TRMT44: variants seen among roughly 807,000 people sequenced by gnomAD.
The protein encoded by TRMT44 is tRNA methyltransferase 44 homolog.
Under a neutral mutation model 77.3 loss-of-function variants are expected in TRMT44, and 78 were observed. That is an observed-to-expected ratio of 1.01 (90% CI 0.84 to 1.22). The LOEUF (loss-of-function observed/expected upper bound fraction) is 1.22. TRMT44 is among the 50% of genes most tolerant of loss of function. The pLI, the probability that TRMT44 is intolerant of heterozygous loss-of-function variation, is 0.00. For synonymous variants in TRMT44, 391 were observed against 383.3 expected (o/e 1.02, Z -0.23); for missense variants, 1,090 against 964.4 (o/e 1.13, Z -1.73).
chr4:8,455,943 A>C (rs967912262), intron 6 of TRMT44, among the ~76,000 whole-genome samples: 10 of 152,244 alleles, frequency 6.6e-5, no homozygotes, highest in Admixed American at 2.6e-4. Context: ...AAAAATTCAG[A>C]AAAAGTTAGA....
At chr4:8,480,820 T>C (rs1727590980), downstream of TRMT44, among the ~76,000 whole-genome samples, 2 of 152,230 alleles carry the variant, frequency 1.3e-5, no homozygotes, top group Admixed American at 1.3e-4. Context: ...TAACCCTATA[T>C]ATTATGACTT....
chr4:8,466,290 C>T (rs1319245642), intron 8 of TRMT44, among the ~76,000 whole-genome samples: 3 of 152,248 alleles, frequency 2.0e-5, no homozygotes, highest in Non-Finnish European at 4.4e-5. Context: ...CTGAGTGAAG[C>T]CTCGGCTCTG....
the TRMT44 span, among the ~76,000 whole-genome samples, chr4:8,503,339 C>G: frequency 1.3e-5 from 2 of 152,228 alleles, no homozygotes; most frequent in Admixed American, 1.3e-4. Flanking sequence ...GCCGTGGCTG[C>G]AGCAGTCGGA....
chr4:8,448,840 C>T (rs1317457038), intron 2 of TRMT44, among the ~76,000 whole-genome samples: 1 of 152,256 alleles, frequency 6.6e-6, no homozygotes, highest in African/African-American at 2.4e-5. Context: ...TGCTGCCGCG[C>T]CCTCAGCACA....
chr4:8,472,328 G>A (rs1217614563), intron 10 of TRMT44, among the ~76,000 whole-genome samples: 1 of 152,204 alleles, frequency 6.6e-6, no homozygotes, highest in African/African-American at 2.4e-5. Context: ...AGGAGTAAGA[G>A]TGGGAGCTGG....
chr4:8,494,505 A>C (rs1445364506), downstream of TRMT44, among the ~76,000 whole-genome samples: 3 of 152,210 alleles, frequency 2.0e-5, no homozygotes, highest in African/African-American at 7.2e-5. Flanking sequence ...TCGAGGACTC[A>C]AAAGAACACA....
At chr4:8,480,081 CTGTTAGGGGTGGCGAATATTTGAGT>C (rs1727566096), downstream of TRMT44, among the ~76,000 whole-genome samples, 1 of 152,136 alleles carries the variant, frequency 6.6e-6, no homozygotes. Flanking sequence ...AGCGGTCCTC[CTGTTAGGGGTGGCGAATATTTGAGT>C]TGTCAGTGGT....
At chr4:8,486,280 G>A (rs1175263907) in intron 2 of TRMT44, among the ~76,000 whole-genome samples, 3 of 152,224 alleles carry the variant, frequency 2.0e-5, no homozygotes, top group African/African-American at 7.2e-5. Flanking sequence ...GGAACGCCTG[G>A]CCACTGCGGT....
At chr4:8,468,729 G>T (rs866348599) in intron 9 of TRMT44, among the ~76,000 whole-genome samples, 1 of 152,188 alleles carries the variant, frequency 6.6e-6, no homozygotes, top group African/African-American at 2.4e-5. Flanking sequence ...GTTGTGATTC[G>T]ATAATTTAAT....
At chr4:8,477,709 G>A (rs1247196395), downstream of TRMT44, 1 of 152,544 alleles carries the variant, frequency 6.6e-6, no homozygotes, top group Non-Finnish European at 1.5e-5. Context: ...AGGGCTTTCA[G>A]GTTTTGTTGC....
At position 8,476,254 on chromosome 4, in the gene TRMT44, C is replaced by T. The variant is rs1727378080; in HGVS notation, c.*253C>T. On this transcript the variant is annotated 3_prime_UTR_variant, in exon 11 of 11. Coordinates refer to ENST00000389737, the MANE Select transcript of TRMT44 (RefSeq NM_152544.3). ...CCGCTTGAAACGTGCGCAGCATCTT[C>T]ATATCATAAAGATTGTGCACGGATC... is the stretch of plus-strand genomic sequence containing the variant. 1 of 554,944 alleles carries T rather than the reference C, an allele frequency of 1.8e-6. No homozygotes were observed. Among genetic ancestry groups the T allele is most frequent in the South Asian group, 2.1e-5 (1 of 47,950 alleles). 34.4% of individuals were successfully genotyped at this position (554,944 alleles called of 1,614,324 possible). A position where few individuals can be genotyped will look rare whatever the true frequency, so the allele number is the denominator to read the frequency against.
At chr4:8,473,018 G>A (rs1727127359) in intron 10 of TRMT44, among the ~76,000 whole-genome samples, 5 of 152,246 alleles carry the variant, frequency 3.3e-5, no homozygotes, top group African/African-American at 1.2e-4. Flanking sequence ...AAACGCTTCT[G>A]AGTAGGAGGC....
rs1724915258 is a variant in TRMT44 at position 8,444,015 on chromosome 4, G to A, written c.620-2461G>A. ...TCTTAACTGTTAGTAGCAGGTGACA[G>A]GATGACATAGTGGTTAAGAACTTGA... On this transcript the variant is annotated intron_variant, in intron 1 of 10. Coordinates refer to ENST00000389737, the MANE Select transcript of TRMT44 (RefSeq NM_152544.3). The surrounding 1 kb of genome is among the most constrained non-coding windows in gnomAD (Gnocchi z 4.0). Among the ~76,000 whole-genome samples the A allele has an allele frequency of 1.3e-5, 2 of 148,566 alleles. No homozygotes were observed. The highest frequency in any genetic ancestry group is 4.2e-4 in the South Asian group (2 of 4,770).
the TRMT44 span, among the ~76,000 whole-genome samples, chr4:8,512,811 CA>C: frequency 6.6e-6 from 1 of 152,136 alleles, no homozygotes; most frequent in Non-Finnish European, 1.5e-5. Context: ...TCTATGCTTG[CA>C]AAAATATGTC....
chr4:8,457,887 T>C (rs1001003267), intron 6 of TRMT44, among the ~76,000 whole-genome samples: 36 of 152,080 alleles, frequency 2.4e-4, no homozygotes, highest in African/African-American at 8.5e-4. Context: ...AAAGAGACTG[T>C]GGATATAGCA....
chr4:8,507,418 C>G, the TRMT44 span: 2 of 152,638 alleles, frequency 1.3e-5, no homozygotes, highest in African/African-American at 4.8e-5. Context: ...GGCTGAAAAC[C>G]CCGGGAGGGA....
At chr4:8,497,179 A>G (rs953244643), downstream of TRMT44, among the ~76,000 whole-genome samples, 18 of 151,980 alleles carry the variant, frequency 1.2e-4, no homozygotes, top group African/African-American at 4.3e-4. Context: ...AAAAAAGAGA[A>G]AGACCAATTC....
chr4:8,503,267 T>C, the TRMT44 span, among the ~76,000 whole-genome samples: 1 of 152,240 alleles, frequency 6.6e-6, no homozygotes, highest in African/African-American at 2.4e-5. Context: ...CCATTCACCT[T>C]GCAAGGCAAG....
downstream of TRMT44, among the ~76,000 whole-genome samples, chr4:8,480,460 T>C (rs1423754084): frequency 6.6e-6 from 1 of 152,216 alleles, no homozygotes; most frequent in Non-Finnish European, 1.5e-5. Flanking sequence ...AGTGGGTTTG[T>C]GAAGTTGTAT....
Sources: allele counts gnomAD v4.1 joint callset (sites outside exome capture counted in the v4.1 genomes callset), GRCh38; gene constraint gnomAD v4.1.1; non-coding constraint Gnocchi (gnomAD v3.1); transcripts MANE v1.5; gene names NCBI Gene and HGNC (gene_info 2026-07-23, HGNC 2026-07-21).